The following ADK variants were observed in gnomAD, a reference collection of about 807,000 sequenced individuals.
ADK encodes N6,N6-dimethyladenosine kinase.
Under a neutral mutation model 44.7 loss-of-function variants are expected in ADK, and 24 were observed. The ratio of observed to expected loss-of-function variants is 0.54; its 90% CI spans 0.39 to 0.76. The LOEUF is 0.76. Among genes scored for constraint, ADK ranks in the 30% least tolerant of loss-of-function variants. The probability of loss-of-function intolerance (pLI) is 0.00; values close to 1 mark genes in which losing one functional copy is unlikely to be tolerated. For missense variants in ADK, 321 were observed against 425.1 expected, an observed-to-expected ratio of 0.76 and a Z score of 2.15; for synonymous variants, 128 against 142.6, an observed-to-expected ratio of 0.90 and a Z score of 0.73.
At chr10:74,431,876 A>G (rs1278393292) in intron 6 of ADK, among the ~76,000 whole-genome samples, 1 of 152,044 alleles carries the variant, frequency 6.6e-6, no homozygotes, top group Non-Finnish European at 1.5e-5. Context: ...TCCATAGACA[A>G]AAGGCTTTCT....
chr10:74,395,041 CT>C (rs967752863), intron 5 of ADK, among the ~76,000 whole-genome samples: 6 of 152,246 alleles, frequency 3.9e-5, no homozygotes, highest in African/African-American at 1.4e-4. Context: ...TCAGCACAGG[CT>C]TTTTTCCCCT....
At chr10:74,167,770 C>G (rs996265914) in intron 1 of ADK, among the ~76,000 whole-genome samples, 2 of 152,176 alleles carry the variant, frequency 1.3e-5, no homozygotes, top group African/African-American at 2.4e-5. Context: ...GACTTCTTGT[C>G]TCTAAGATAT....
At chr10:74,156,416 C>G (rs1485674740) in intron 1 of ADK, among the ~76,000 whole-genome samples, 1 of 152,088 alleles carries the variant, frequency 6.6e-6, no homozygotes, top group Non-Finnish European at 1.5e-5. Flanking sequence ...GCCAGGAGTT[C>G]TAGACTGGCC....
chr10:74,523,967 C>A (rs774043409), intron 6 of ADK, among the ~76,000 whole-genome samples: 1 of 150,420 alleles, frequency 6.6e-6, no homozygotes, highest in Admixed American at 6.6e-5. Flanking sequence ...CCATGATCCA[C>A]CCCTACCCCT....
At chr10:74,334,616 C>G (rs1841345201) in intron 4 of ADK, among the ~76,000 whole-genome samples, 1 of 152,126 alleles carries the variant, frequency 6.6e-6, no homozygotes, top group Non-Finnish European at 1.5e-5. Flanking sequence ...AGGGTAAAAT[C>G]AAATCCCAGT....
intron 4 of ADK, among the ~76,000 whole-genome samples, chr10:74,391,172 A>T (rs975257943): frequency 6.6e-6 from 1 of 152,174 alleles, no homozygotes; most frequent in African/African-American, 2.4e-5. Context: ...CTGTATTGTC[A>T]TAAGAGCATA....
intron 3 of ADK, among the ~76,000 whole-genome samples, chr10:74,241,013 A>G (rs1845186580): frequency 6.6e-6 from 1 of 152,226 alleles, no homozygotes; most frequent in South Asian, 2.1e-4. Flanking sequence ...TATTGATACT[A>G]TAAAACAAAA....
chr10:74,173,185 G>T (rs1842217438), intron 1 of ADK, among the ~76,000 whole-genome samples: 1 of 150,434 alleles, frequency 6.6e-6, no homozygotes, highest in South Asian at 2.1e-4. Flanking sequence ...CTCCACCTTG[G>T]GTTCACACCA....
intron 6 of ADK, among the ~76,000 whole-genome samples, chr10:74,433,585 G>A (rs1845074089): frequency 6.6e-6 from 1 of 152,166 alleles, no homozygotes; most frequent in Non-Finnish European, 1.5e-5. Flanking sequence ...GATTAGTTTT[G>A]TAAAGTAAGG....
chr10:74,410,570 G>C (rs539282660), intron 6 of ADK, among the ~76,000 whole-genome samples: 5 of 152,124 alleles, frequency 3.3e-5, no homozygotes, highest in South Asian at 4.2e-4. Context: ...AGTCCCAGCT[G>C]CTGGGGAGGC....
intron 7 of ADK, among the ~76,000 whole-genome samples, chr10:74,538,033 G>A (rs923699657): frequency 6.6e-6 from 1 of 152,124 alleles, no homozygotes; most frequent in Admixed American, 6.6e-5. Context: ...AAGGTGGGCA[G>A]ATCACCTGAG....
intron 6 of ADK, among the ~76,000 whole-genome samples, chr10:74,407,896 T>C (rs1241442165): frequency 2.0e-5 from 3 of 152,200 alleles, no homozygotes; most frequent in Admixed American, 2.0e-4. Context: ...TGCTCCCTGG[T>C]CCTTCATAGT....
intron 1 of ADK, among the ~76,000 whole-genome samples, chr10:74,160,089 G>C (rs1841848892): frequency 6.6e-6 from 1 of 152,132 alleles, no homozygotes. Flanking sequence ...ATTTGGTTCT[G>C]CCTGTGTTAC....
chr10:74,482,864 A>G (rs1292683419), intron 6 of ADK, among the ~76,000 whole-genome samples: 1 of 152,158 alleles, frequency 6.6e-6, no homozygotes. Context: ...GGGCTTGGGC[A>G]GTTCTGCGTC....
In ADK at chr10:74,648,399, G is replaced by A. The variant is rs556495533; in HGVS notation, c.878-21784G>A. Among the ~76,000 whole-genome samples the A allele has an allele frequency of 7.2e-5, 11 of 152,278 alleles. No individual in the cohort carries two copies. In the East Asian group the frequency reaches 1.3e-3, roughly 19 times the overall value. On this transcript the variant is annotated intron_variant, in intron 9 of 10. Coordinates refer to ENST00000539909, the MANE Select transcript of ADK (RefSeq NM_006721.4). ...TCATTCATGAAAGGAAAATGCCTAG[G>A]CCGGGCGCCGTGGCTCACACCTGTA...
chr10:74,569,867 G>C (rs1488165790), intron 7 of ADK, among the ~76,000 whole-genome samples: 7 of 152,160 alleles, frequency 4.6e-5, no homozygotes, highest in African/African-American at 1.7e-4. Flanking sequence ...GTCCTGAATG[G>C]TATTGCCTAG....
intron 4 of ADK, among the ~76,000 whole-genome samples, chr10:74,337,250 T>A (rs1249012456): frequency 6.6e-6 from 1 of 152,230 alleles, no homozygotes; most frequent in Admixed American, 6.5e-5. Flanking sequence ...GAGCTTTATC[T>A]TGTGGGATAA....
intron 3 of ADK, among the ~76,000 whole-genome samples, chr10:74,242,898 C>T (rs1845276550): frequency 6.6e-6 from 1 of 152,158 alleles, no homozygotes; most frequent in Admixed American, 6.5e-5. Context: ...CTTCCCGTCC[C>T]CTCTCCAGCT....
At chr10:74,481,772 C>G (rs1274679578) in intron 6 of ADK, among the ~76,000 whole-genome samples, 1 of 151,908 alleles carries the variant, frequency 6.6e-6, no homozygotes, top group East Asian at 1.9e-4. Context: ...TGGTATTTTC[C>G]TACATTAGCT....
Sources: gnomAD v4.1 joint callset for allele counts (sites outside exome capture counted in the v4.1 genomes callset) on GRCh38, gnomAD v4.1.1 for gene constraint, MANE v1.5 for transcripts, NCBI Gene and HGNC (gene_info 2026-07-23, HGNC 2026-07-21) for gene names.